Variants in STAB2 observed in about 807,000 individuals in gnomAD.
STAB2 encodes stabilin 2.
Under a neutral mutation model 338.1 loss-of-function variants are expected in STAB2, and 288 were observed. That is an observed-to-expected ratio of 0.85 (90% CI 0.77 to 0.94). The LOEUF is 0.94. Ranked by LOEUF, STAB2 falls within the 40% of genes least tolerant of loss-of-function variation. The pLI is 0.00. For synonymous variants in STAB2, 1,202 were observed against 1,193.3 expected (o/e 1.01, Z -0.15); for missense variants, 3,141 against 3,210.1 (o/e 0.98, Z 0.52).
chr12:103,713,629 G>A lies in STAB2; in HGVS notation c.4412-14G>A. The A allele has an allele frequency of 6.2e-7, 1 of 1,613,422 alleles. No individual in the cohort carries two copies. Among genetic ancestry groups the A allele is most frequent in the South Asian group, 1.1e-5 (1 of 91,052 alleles). On this transcript the variant is annotated splice_polypyrimidine_tract_variant and intron_variant, in intron 41 of 68. Coordinates refer to ENST00000388887, the MANE Select transcript of STAB2 (RefSeq NM_017564.10). ...CCTTCCCTCTCCCCTTCTGCTCTGT[G>A]TCATCTTCTATAGCAATCAATGCCT...
intron 19 of STAB2, 64 bp from the exon 20 acceptor site, chr12:103,668,579 T>G: frequency 7.2e-7 from 1 of 1,382,728 alleles, no homozygotes; most frequent in Non-Finnish European, 1.0e-6. Flanking sequence ...CTGCAGAGGG[T>G]GTGCAGTGCC....
chr12:103,730,788 C>T (rs1881574514), intron 49 of STAB2, among the ~76,000 whole-genome samples: 1 of 152,160 alleles, frequency 6.6e-6, no homozygotes, highest in Non-Finnish European at 1.5e-5. Context: ...GTGGCTCAAA[C>T]CTGTAATCCC....
At chr12:103,643,880 GCGCC>G (rs1342178636) in intron 9 of STAB2, among the ~76,000 whole-genome samples, 5 of 141,544 alleles carry the variant, frequency 3.5e-5, no homozygotes, top group Admixed American at 1.4e-4. Context: ...GAGGTGAGGG[GCGCC>G]TCTGCCCGGC....
At chr12:103,613,037 T>A (rs1326775438) in intron 3 of STAB2, among the ~76,000 whole-genome samples, 8 of 152,184 alleles carry the variant, frequency 5.3e-5, no homozygotes, top group Non-Finnish European at 1.2e-4. Context: ...TGCCTGATTG[T>A]TCCTCTAGAA....
intron 9 of STAB2, among the ~76,000 whole-genome samples, chr12:103,645,975 G>A (rs1312612547): frequency 6.6e-6 from 1 of 152,152 alleles, no homozygotes; most frequent in Non-Finnish European, 1.5e-5. Flanking sequence ...TCCCCCAAGT[G>A]TTTGTCCAGC....
At chr12:103,743,048 G>C (rs1426251222) in intron 56 of STAB2, among the ~76,000 whole-genome samples, 2 of 141,542 alleles carry the variant, frequency 1.4e-5, no homozygotes, top group Non-Finnish European at 3.0e-5. Flanking sequence ...TTGAGACAGA[G>C]TTTCGCTCTT....
intron 3 of STAB2, among the ~76,000 whole-genome samples, chr12:103,613,470 G>A (rs577355643): frequency 6.6e-5 from 10 of 152,286 alleles, no homozygotes; most frequent in East Asian, 5.8e-4. Context: ...CTCCGTGGAC[G>A]TAGGACCCTC....
intron 11 of STAB2, 90 bp downstream of exon 11, chr12:103,650,668 A>G (rs147707354): frequency 4.7e-6 from 5 of 1,057,194 alleles, no homozygotes; most frequent in Non-Finnish European, 7.0e-6. Flanking sequence ...GGAAATCCCC[A>G]TTAAAATTAA....
chr12:103,673,874 C>T (rs1438553804), intron 22 of STAB2, 33 bp from the exon 23 acceptor site: 3 of 1,594,594 alleles, frequency 1.9e-6, no homozygotes, highest in African/African-American at 1.3e-5. Context: ...GTCCCCAAGG[C>T]CTGGACGGAT....
At chr12:103,625,664 C>T (rs1957370023) in intron 5 of STAB2, among the ~76,000 whole-genome samples, 1 of 152,184 alleles carries the variant, frequency 6.6e-6, no homozygotes, top group Admixed American at 6.5e-5. Context: ...CCAGCTTCAT[C>T]CATGTCCCTA....
In STAB2 at chr12:103,652,673, G is replaced by A; in HGVS notation, c.1375G>A (p.Gly459Arg). Residue 459 changes from glycine to arginine, a missense_variant, in exon 12 of 69, where the codon GGA (glycine) becomes AGA (arginine). Gly to Arg is a moderately radical substitution (Grantham distance 125). Coordinates refer to ENST00000388887, the MANE Select transcript of STAB2 (RefSeq NM_017564.10). ...CACAGACATGTTCTACACCTTGACT[G>A]GAAAGTCGGGGGAAATCTTCAACAG... ...NNTDMFYTLT[G>R]KSGEIFNSDK... 1.2e-6 allele frequency: 2 copies of A among 1,601,518 alleles called. No homozygotes were observed. Among genetic ancestry groups the A allele is most frequent in the Middle Eastern group, 1.7e-4 (1 of 6,048 alleles).
At chr12:103,673,542 T>A (rs1593215815) in intron 22 of STAB2, among the ~76,000 whole-genome samples, 1 of 151,762 alleles carries the variant, frequency 6.6e-6, no homozygotes, top group African/African-American at 2.4e-5. Flanking sequence ...AGAGACAGGG[T>A]TTCACCATGT....
At chr12:103,686,994 T>G (rs900231664) in intron 27 of STAB2, among the ~76,000 whole-genome samples, 5 of 152,204 alleles carry the variant, frequency 3.3e-5, no homozygotes, top group Admixed American at 6.5e-5. Flanking sequence ...TTCACTTTCT[T>G]GCTAACTTAC....
At chr12:103,599,567 C>T (rs1213149212) in intron 3 of STAB2, among the ~76,000 whole-genome samples, 1 of 152,164 alleles carries the variant, frequency 6.6e-6, no homozygotes, top group Non-Finnish European at 1.5e-5. Context: ...TACAGGGCAC[C>T]CAGTTCTATT....
intron 3 of STAB2, among the ~76,000 whole-genome samples, chr12:103,605,060 A>G (rs948729881): frequency 2.4e-4 from 37 of 151,854 alleles, no homozygotes; most frequent in African/African-American, 8.9e-4. Context: ...TATTCAGTTC[A>G]AAGTAATTTT....
At chr12:103,615,229 G>A (rs1481748071) in intron 3 of STAB2, among the ~76,000 whole-genome samples, 1 of 151,952 alleles carries the variant, frequency 6.6e-6, no homozygotes, top group Non-Finnish European at 1.5e-5. Context: ...ATGTCAGACA[G>A]GGCTAGAGAT....
intron 6 of STAB2, among the ~76,000 whole-genome samples, chr12:103,633,622 T>C (rs571255589): frequency 5.3e-5 from 8 of 151,850 alleles, no homozygotes; most frequent in South Asian, 2.1e-4. Context: ...GTGGAGGTTG[T>C]GGTGAGCCGA....
chr12:103,632,086 C>T (rs541572169), intron 6 of STAB2, among the ~76,000 whole-genome samples: 1 of 152,284 alleles, frequency 6.6e-6, no homozygotes, highest in African/African-American at 2.4e-5. Flanking sequence ...AACACATTAA[C>T]AGCCCTAAGG....
chr12:103,735,853 G>A (rs1418145989), intron 52 of STAB2, among the ~76,000 whole-genome samples: 1 of 152,132 alleles, frequency 6.6e-6, no homozygotes, highest in Non-Finnish European at 1.5e-5. Context: ...TTCATTTTTT[G>A]TGTAGAGCAT....
Sources: allele counts gnomAD v4.1 joint callset (sites outside exome capture counted in the v4.1 genomes callset), GRCh38; gene constraint gnomAD v4.1.1; transcripts MANE v1.5; gene names NCBI Gene and HGNC (gene_info 2026-07-23, HGNC 2026-07-21).